The following ZNF292 variants were observed in gnomAD, a reference collection of about 807,000 sequenced individuals.
ZNF292 encodes 16 zinc-finger domain protein.
A neutral mutation model predicts 217.9 loss-of-function variants in ZNF292; 26 were observed. The ratio of observed to expected loss-of-function variants is 0.12; its 90% confidence interval spans 0.09 to 0.17. The LOEUF (loss-of-function observed/expected upper bound fraction) is 0.17, where lower values mean the gene tolerates loss of function less well. Ranked by LOEUF, ZNF292 falls within the 10% of genes least tolerant of loss-of-function variation. ZNF292 has a pLI of 1.00. For missense variants in ZNF292, 2,904 were observed against 3,175.2 expected, an observed-to-expected ratio of 0.91 and a Z score of 2.05; for synonymous variants, 1,257 against 1,124.1, an observed-to-expected ratio of 1.12 and a Z score of -2.37.
rs528077899 is a variant in ZNF292 at position 87,230,246 on chromosome 6, A to ATG, written c.539-3078_539-3077dup. Among the ~76,000 whole-genome samples, 546 of 139,982 alleles carry ATG rather than the reference A, an allele frequency of 3.9e-3. 2 individuals are homozygous for ATG. The highest frequency in any genetic ancestry group is 0.013 in the African/African-American group (525 of 39,884). 91.8% of individuals were successfully genotyped at this position (139,982 alleles called of 152,430 possible). ...AGTCAAAGATGCTGCAAAGGAAATC[A>ATG]TGCAAATCTGGGCATGAGAATAGGA... On this transcript the variant is annotated intron_variant, in intron 4 of 7. Coordinates refer to ENST00000369577, the MANE Select transcript of ZNF292 (RefSeq NM_015021.3).
chr6:87,156,328 C>G (rs1292710645), intron 1 of ZNF292, among the ~76,000 whole-genome samples: 1 of 152,124 alleles, frequency 6.6e-6, no homozygotes, highest in African/African-American at 2.4e-5. Context: ...AGGAGCAGTC[C>G]CCGCCGACCC....
rs757652470 is a variant in ZNF292 at position 87,259,812 on chromosome 6, A to G, written c.6183A>G (p.Thr2061=). The G allele has an allele frequency of 6.2e-7, 1 of 1,610,996 alleles. No individual in the cohort carries two copies. Residue 2061 remains threonine (T), a synonymous_variant, in exon 8 of 8, where the codon ACA becomes ACG. Transcript: ENST00000369577. ...DKTESSLQVI[T]VTSEQCNTNA... ...CAGAAAGTTCTTTACAAGTGATTAC[A>G]GTTACTTCAGAACAATGTAATACAA...
chr6:87,260,172 A>G lies in ZNF292; in HGVS notation c.6543A>G (p.Arg2181=). 6.2e-7 allele frequency: 1 copy of G among 1,612,934 alleles called. No individual in the cohort carries two copies. The highest frequency in any genetic ancestry group is 8.5e-7 in the Non-Finnish European group (1 of 1,179,058). The change falls in exon 8 of 8, where the codon CGA becomes CGG. Residue 2181 remains arginine, a synonymous_variant. Coordinates refer to ENST00000369577, the MANE Select transcript of ZNF292 (RefSeq NM_015021.3). The part of the protein sequence containing the change: ...EFRCQVSDCS[R]IFQAITGLIQ... ...GATGTCAGGTAAGTGACTGTTCTCG[A>G]ATTTTCCAAGCAATTACTGGCCTAA...
At position 87,248,187 on chromosome 6, in the gene ZNF292, ATTTTTTATTTG is replaced by A. The variant is rs983243563; in HGVS notation, c.1020+2556_1020+2566del. Among the ~76,000 whole-genome samples the A allele has an allele frequency of 6.6e-5, 10 of 152,300 alleles. No homozygotes were observed. In the East Asian group the frequency reaches 7.7e-4, roughly 12 times the overall value. ...GATAACAAGAAGTATTTTTAAGTGA[ATTTTTTATTTG>A]TTTTTTATTTGTATTTTGTAATTGT... On this transcript the variant is annotated intron_variant, in intron 7 of 7. Transcript: ENST00000369577.
intron 4 of ZNF292, among the ~76,000 whole-genome samples, chr6:87,227,306 C>T (rs998528494): frequency 6.6e-6 from 1 of 151,900 alleles, no homozygotes; most frequent in Non-Finnish European, 1.5e-5. Flanking sequence ...TACCTCATAC[C>T]AATTAAATTA....
Position 87,258,176 on chromosome 6 carries a change from G to C in ZNF292, c.4547G>C (p.Cys1516Ser). 6.2e-7 allele frequency: 1 copy of C among 1,611,844 alleles called. No homozygotes were observed. The highest frequency in any genetic ancestry group is 8.5e-7 in the Non-Finnish European group (1 of 1,179,094). The change falls in exon 8 of 8, where the codon TGT becomes TCT. Residue 1516 changes from cysteine to serine, a missense_variant. Cys to Ser is a moderately radical substitution (Grantham distance 112). Around this residue, in one of 15 missense-constraint regions of ZNF292, gnomAD observed 622 missense variants for 573.1 expected, o/e 1.09. Transcript: ENST00000369577. Reference protein sequence around the residue: ...AEMLSHVSTGCVSDASQVNAT... With the variant: ...AEMLSHVSTGSVSDASQVNAT... Reference sequence around the variant, plus strand: ...ATGCTTTCTCATGTTTCAACAGGTTGTGTCTCTGATGCATCACAAGTAAAT... The same window carrying C: ...ATGCTTTCTCATGTTTCAACAGGTTCTGTCTCTGATGCATCACAAGTAAAT...
At chr6:87,247,617 G>A (rs1774670272) in intron 7 of ZNF292, among the ~76,000 whole-genome samples, 4 of 152,140 alleles carry the variant, frequency 2.6e-5, no homozygotes, top group African/African-American at 9.7e-5. Flanking sequence ...AACTGCTTTA[G>A]GAGGGACATA....
intron 7 of ZNF292, among the ~76,000 whole-genome samples, chr6:87,250,871 T>C (rs2127849447): frequency 6.6e-6 from 1 of 152,368 alleles, no homozygotes; most frequent in East Asian, 1.9e-4. Context: ...TTTTGTAGTC[T>C]GTTGATGGAA....
chr6:87,171,863 C>CT (rs1173456952), intron 1 of ZNF292, among the ~76,000 whole-genome samples: 1 of 152,190 alleles, frequency 6.6e-6, no homozygotes, highest in South Asian at 2.1e-4. Context: ...TCTCCAACCT[C>CT]TATATCCTAT....
At chr6:87,162,422 A>G (rs1344190287) in intron 1 of ZNF292, among the ~76,000 whole-genome samples, 1 of 152,150 alleles carries the variant, frequency 6.6e-6, no homozygotes, top group African/African-American at 2.4e-5. Context: ...TTTCTTTTTG[A>G]CTATTAGAGG....
At chr6:87,160,491 ATGTGTGTG>A (rs1260142601) in intron 1 of ZNF292, among the ~76,000 whole-genome samples, 2 of 146,436 alleles carry the variant, frequency 1.4e-5, no homozygotes, top group South Asian at 2.1e-4. Context: ...TTGTATATAT[ATGTGTGTG>A]TGTGTGTGTG....
intron 4 of ZNF292, among the ~76,000 whole-genome samples, chr6:87,230,749 GAA>G (rs1472944341): frequency 2.0e-5 from 3 of 148,288 alleles, no homozygotes; most frequent in Non-Finnish European, 4.5e-5. Flanking sequence ...AAAAAAAAAA[GAA>G]AGTGACATAG....
Position 87,243,620 on chromosome 6 carries a change from A to AT in ZNF292, c.878+10dup. On this transcript the variant is annotated intron_variant, in intron 6 of 7. Coordinates refer to ENST00000369577, the MANE Select transcript of ZNF292 (RefSeq NM_015021.3). The stretch of plus-strand genomic sequence containing the variant: ...GATATGTACTGCGCTTGGTGAGTTG[A>AT]TCTTTTTTTTTTTAAAGAAATATTT... The AT allele has an allele frequency of 2.1e-6, 3 of 1,447,462 alleles. No homozygotes were observed. The highest frequency in any genetic ancestry group is 2.7e-6 in the Non-Finnish European group (3 of 1,098,874). 89.7% of individuals were successfully genotyped at this position (1,447,462 alleles called of 1,614,324 possible).
rs185454361 is a variant in ZNF292 at position 87,203,599 on chromosome 6, G to A, written c.169-12304G>A. ...TCAAAGCAAGGTATGTATCTGCAAGGGGGGGTGGGGTGCTGCAATGGCCCA... is the reference window on the plus strand; with the variant it reads ...TCAAAGCAAGGTATGTATCTGCAAGAGGGGGTGGGGTGCTGCAATGGCCCA... On this transcript the variant is annotated intron_variant, in intron 1 of 7. Coordinates refer to ENST00000369577, the MANE Select transcript of ZNF292 (RefSeq NM_015021.3). Among the ~76,000 whole-genome samples the A allele has an allele frequency of 7.2e-3, 917 of 126,802 alleles. 14 individuals are homozygous for A. Among genetic ancestry groups the A allele is most frequent in the African/African-American group, 0.035 (882 of 25,460 alleles). The allele number at this position is 126,802 out of a possible 152,430, so 83.2% of individuals were successfully genotyped here.
At chr6:87,233,013 A>T (rs1223492875) in intron 4 of ZNF292, among the ~76,000 whole-genome samples, 1 of 152,134 alleles carries the variant, frequency 6.6e-6, no homozygotes, top group Non-Finnish European at 1.5e-5. Flanking sequence ...GTAGGAAAAA[A>T]AATTAGTGTA....
rs553573762 is a variant in ZNF292, at chr6:87,222,619, C to A, written c.538+3888C>A. 1.1e-4 allele frequency among the ~76,000 whole-genome samples: 16 copies of A among 152,214 alleles called. No homozygotes were observed. The South Asian group carries it at 2.9e-3, about 28-fold the overall frequency. On this transcript the variant is annotated intron_variant, in intron 4 of 7. Coordinates refer to ENST00000369577, the MANE Select transcript of ZNF292 (RefSeq NM_015021.3). Reference sequence around the variant, plus strand: ...AAAAATTGTGAAGAGTTTCCATATACCCTGAACCCGTTTTCACTCTCATTA... The same window carrying A: ...AAAAATTGTGAAGAGTTTCCATATAACCTGAACCCGTTTTCACTCTCATTA...
At chr6:87,252,795 G>A (rs1386442080) in intron 7 of ZNF292, among the ~76,000 whole-genome samples, 1 of 152,114 alleles carries the variant, frequency 6.6e-6, no homozygotes, top group Non-Finnish European at 1.5e-5. Context: ...CAAGTTTTAA[G>A]GCACAGATCT....
rs183217481 is a variant in ZNF292 at position 87,185,991 on chromosome 6, G to A, written c.169-29912G>A. 2.0e-4 allele frequency among the ~76,000 whole-genome samples: 30 copies of A among 152,250 alleles called. No individual in the cohort carries two copies. In the East Asian group the frequency reaches 5.6e-3, roughly 28 times the overall value. ...CCTAGTCCTTTGGATTTTTATGAAA[G>A]TTTCATTACCTAGGCATGATTGATT... is the stretch of plus-strand genomic sequence containing the variant. On this transcript the variant is annotated intron_variant, in intron 1 of 7. Transcript: ENST00000369577.
intron 1 of ZNF292, among the ~76,000 whole-genome samples, chr6:87,210,534 A>G (rs904240743): frequency 6.6e-6 from 1 of 152,008 alleles, no homozygotes; most frequent in Non-Finnish European, 1.5e-5. Flanking sequence ...TTAAAGAATG[A>G]GGTGAGGCAG....
Sources: allele counts gnomAD v4.1 joint callset (sites outside exome capture counted in the v4.1 genomes callset), GRCh38; gene constraint gnomAD v4.1.1; regional missense constraint gnomAD v4.1.1; transcripts MANE v1.5; gene names NCBI Gene and HGNC (gene_info 2026-07-23, HGNC 2026-07-21).